Variants in STARD13 observed in about 807,000 individuals in gnomAD.
STARD13 encodes the protein StAR related lipid transfer domain containing 13, also known as stAR-related lipid transfer protein 13.
In STARD13, 62 loss-of-function variants were observed where a neutral mutation model predicts 106.4. That is an observed-to-expected ratio of 0.58 (90% CI 0.48 to 0.72). The LOEUF (loss-of-function observed/expected upper bound fraction) is 0.72, where lower values mean the gene tolerates loss of function less well. STARD13 is among the 30% of genes least tolerant of loss of function. The probability of loss-of-function intolerance (pLI) is 0.00; values close to 1 mark genes in which losing one functional copy is unlikely to be tolerated. For missense variants in STARD13, 1,387 were observed against 1,424.0 expected, an observed-to-expected ratio of 0.97 and a Z score of 0.42; for synonymous variants, 565 against 553.0, an observed-to-expected ratio of 1.02 and a Z score of -0.31.
At chr13:33,584,757 G>A in the STARD13 span, among the ~76,000 whole-genome samples, 1 of 151,816 alleles carries the variant, frequency 6.6e-6, no homozygotes. Flanking sequence ...CAACATTTGC[G>A]ATTGGATCAT....
chr13:33,305,393 C>T (rs1457670576), intron 1 of STARD13, among the ~76,000 whole-genome samples: 2 of 152,226 alleles, frequency 1.3e-5, no homozygotes, highest in East Asian at 1.9e-4. Flanking sequence ...ATATCTTTTA[C>T]ATCTCCGTGT....
chr13:33,462,764 T>C, the STARD13 span, among the ~76,000 whole-genome samples: 1 of 152,184 alleles, frequency 6.6e-6, no homozygotes, highest in South Asian at 2.1e-4. Flanking sequence ...GCCTGCCTTA[T>C]CCTAGTCATG....
At chr13:33,544,840 T>A in the STARD13 span, among the ~76,000 whole-genome samples, 1 of 150,374 alleles carries the variant, frequency 6.7e-6, no homozygotes, top group Non-Finnish European at 1.5e-5. Context: ...GTGGCCAGAT[T>A]TCAGCTCACT....
chr13:33,546,531 A>G, the STARD13 span, among the ~76,000 whole-genome samples: 1 of 152,178 alleles, frequency 6.6e-6, no homozygotes, highest in African/African-American at 2.4e-5. Context: ...CAAACTGCCT[A>G]TAATTTATAC....
chr13:33,675,171 A>G, the STARD13 span, among the ~76,000 whole-genome samples: 2 of 152,148 alleles, frequency 1.3e-5, no homozygotes, highest in Non-Finnish European at 2.9e-5. Flanking sequence ...TCAGAGAGCC[A>G]CTCTCAGTTC....
chr13:33,542,505 C>G, the STARD13 span, among the ~76,000 whole-genome samples: 39 of 152,274 alleles, frequency 2.6e-4, no homozygotes, highest in Non-Finnish European at 4.3e-4. Flanking sequence ...GAAAAAGACG[C>G]ACACGCAGAC....
the STARD13 span, among the ~76,000 whole-genome samples, chr13:33,675,599 G>C: frequency 6.6e-6 from 1 of 152,190 alleles, no homozygotes; most frequent in African/African-American, 2.4e-5. Flanking sequence ...TGTGGAGGGA[G>C]ATATGGATGC....
chr13:33,379,507 T>TA, the STARD13 span, among the ~76,000 whole-genome samples: 1 of 152,206 alleles, frequency 6.6e-6, no homozygotes, highest in Non-Finnish European at 1.5e-5. Flanking sequence ...TAATAGGACT[T>TA]AGAAGGGTAG....
At chr13:33,615,667 T>C in the STARD13 span, among the ~76,000 whole-genome samples, 1 of 152,056 alleles carries the variant, frequency 6.6e-6, no homozygotes, top group South Asian at 2.1e-4. Flanking sequence ...CACAAATCTG[T>C]CTTTAAAACA....
the STARD13 span, among the ~76,000 whole-genome samples, chr13:33,523,341 T>TAATTTCTTA: frequency 6.6e-6 from 1 of 152,176 alleles, no homozygotes; most frequent in Non-Finnish European, 1.5e-5. Flanking sequence ...TCTTGCTGAG[T>TAATTTCTTA]AATTTCTTAA....
the STARD13 span, among the ~76,000 whole-genome samples, chr13:33,647,421 G>A: frequency 6.6e-6 from 1 of 152,116 alleles, no homozygotes; most frequent in Admixed American, 6.6e-5. Context: ...GTTGTACACT[G>A]TCCTGGATGA....
At chr13:33,396,354 G>T in the STARD13 span, among the ~76,000 whole-genome samples, 2 of 152,200 alleles carry the variant, frequency 1.3e-5, no homozygotes, top group African/African-American at 4.8e-5. Context: ...GCACATGAAA[G>T]AAGTTAATCT....
chr13:33,285,537 T>C lies in STARD13; in HGVS notation c.102A>G (p.Thr34=), dbSNP rs887419624. The stretch of plus-strand genomic sequence containing the variant: ...GGCTCATCCTGTAAGGAGAGCGTCT[T>C]GTAGTCTGATCAAATCGCAAGTACA... ...QEMYLRFDQT[T]RRSPYRMSRI... is the part of the protein sequence containing the mutation. The change falls in exon 1 of 14, where the codon ACA becomes ACG. Residue 34 remains threonine, a synonymous_variant. Coordinates refer to ENST00000336934, the MANE Select transcript of STARD13 (RefSeq NM_178006.4). The C allele has an allele frequency of 6.2e-7, 1 of 1,613,908 alleles. No individual in the cohort carries two copies. The highest frequency in any genetic ancestry group is 8.5e-7 in the Non-Finnish European group (1 of 1,179,926).
the STARD13 span, among the ~76,000 whole-genome samples, chr13:33,415,681 G>A: frequency 1.3e-5 from 2 of 151,668 alleles, no homozygotes; most frequent in Non-Finnish European, 2.9e-5. Context: ...GTATAATGCT[G>A]GTTTCATAAA....
the STARD13 span, among the ~76,000 whole-genome samples, chr13:33,595,678 A>G: frequency 1.3e-5 from 2 of 152,320 alleles, no homozygotes; most frequent in East Asian, 3.9e-4. Context: ...GGATTCACTC[A>G]GGGGAACCAA....
the STARD13 span, among the ~76,000 whole-genome samples, chr13:33,582,431 G>C: frequency 1.3e-5 from 2 of 152,060 alleles, no homozygotes; most frequent in Non-Finnish European, 2.9e-5. Context: ...TCAAACTTGG[G>C]TAAAAAACCC....
chr13:33,379,945 A>G, the STARD13 span, among the ~76,000 whole-genome samples: 2 of 152,228 alleles, frequency 1.3e-5, no homozygotes, highest in African/African-American at 4.8e-5. Flanking sequence ...TGAATATGAT[A>G]AGGTCCCTGC....
intron 4 of STARD13, among the ~76,000 whole-genome samples, chr13:33,141,735 G>A (rs573716172): frequency 3.5e-4 from 53 of 152,120 alleles, no homozygotes; most frequent in Middle Eastern, 3.4e-3. Flanking sequence ...GAAGTCACTC[G>A]CCATGGACCC....
the STARD13 span, among the ~76,000 whole-genome samples, chr13:33,654,996 T>C: frequency 2.0e-5 from 3 of 152,216 alleles, no homozygotes; most frequent in Admixed American, 1.3e-4. Context: ...GCTAGTCCCG[T>C]CCCTCACCCC....
Sources: gnomAD v4.1 joint callset for allele counts (sites outside exome capture counted in the v4.1 genomes callset) on GRCh38, gnomAD v4.1.1 for gene constraint, MANE v1.5 for transcripts, NCBI Gene and HGNC (gene_info 2026-07-23, HGNC 2026-07-21) for gene names.